The following NDUFAF6 variants were observed in gnomAD, a reference collection of about 807,000 sequenced individuals.
The protein encoded by NDUFAF6 is NADH:ubiquinone oxidoreductase complex assembly factor 6.
In NDUFAF6, 45 loss-of-function variants were observed where a neutral mutation model predicts 40.8. The observed-to-expected ratio is 1.10, with a 90% confidence interval of 0.87 to 1.42. NDUFAF6 has a LOEUF of 1.42. Ranked by LOEUF, NDUFAF6 falls within the 40% of genes most tolerant of loss-of-function variation. The probability of loss-of-function intolerance (pLI) is 0.00; values close to 1 mark genes in which losing one functional copy is unlikely to be tolerated. For missense variants in NDUFAF6, 435 were observed against 418.5 expected (o/e 1.04, Z -0.34); for synonymous variants, 185 against 155.9 (o/e 1.19, Z -1.39).
At chr8:94,905,149 G>A (rs951125330) in intron 1 of NDUFAF6, among the ~76,000 whole-genome samples, 2 of 152,170 alleles carry the variant, frequency 1.3e-5, no homozygotes, top group Non-Finnish European at 2.9e-5. Context: ...GCAGTGAGCT[G>A]AGATTGCGGC....
intron 2 of NDUFAF6, among the ~76,000 whole-genome samples, chr8:95,000,552 A>G (rs1005671533): frequency 5.9e-5 from 9 of 152,230 alleles, no homozygotes; most frequent in Admixed American, 5.9e-4. Flanking sequence ...AGATATGCAA[A>G]AATGCATATT....
chr8:95,108,980 T>C (rs1006019830), intron 4 of NDUFAF6, among the ~76,000 whole-genome samples: 1 of 152,222 alleles, frequency 6.6e-6, no homozygotes, highest in African/African-American at 2.4e-5. Flanking sequence ...ATTTTAATCA[T>C]TGAACCTAAG....
At chr8:94,906,844 A>G (rs1231491066) in intron 1 of NDUFAF6, among the ~76,000 whole-genome samples, 1 of 152,152 alleles carries the variant, frequency 6.6e-6, no homozygotes, top group Non-Finnish European at 1.5e-5. Flanking sequence ...TGCTTTATCT[A>G]TTTGTATACA....
At chr8:94,954,212 G>A (rs1472696168), upstream of NDUFAF6, among the ~76,000 whole-genome samples, 1 of 152,020 alleles carries the variant, frequency 6.6e-6, no homozygotes, top group Non-Finnish European at 1.5e-5. Flanking sequence ...ACAGGCGTGT[G>A]CCACCAAGCC....
intron 2 of NDUFAF6, among the ~76,000 whole-genome samples, chr8:95,094,237 G>T (rs957995454): frequency 6.6e-6 from 1 of 152,146 alleles, no homozygotes; most frequent in Non-Finnish European, 1.5e-5. Context: ...CTTCCAAATT[G>T]CTGGGATTAT....
At chr8:95,028,319 C>A (rs989568088) in intron 1 of NDUFAF6, among the ~76,000 whole-genome samples, 2 of 152,180 alleles carry the variant, frequency 1.3e-5, no homozygotes, top group South Asian at 2.1e-4. Context: ...TATGGCATTT[C>A]TCATTATCTG....
intron 4 of NDUFAF6, among the ~76,000 whole-genome samples, chr8:95,042,946 G>A (rs1045101328): frequency 2.6e-5 from 4 of 152,116 alleles, no homozygotes; most frequent in Admixed American, 2.6e-4. Flanking sequence ...AAAAGAATAA[G>A]TTTTGACCCC....
intron 2 of NDUFAF6, among the ~76,000 whole-genome samples, chr8:95,091,745 T>TC (rs1173316608): frequency 2.7e-5 from 4 of 149,328 alleles, no homozygotes; most frequent in African/African-American, 2.5e-5. Context: ...GTTCAAGCGA[T>TC]CCCCCCCAGC....
upstream of NDUFAF6, among the ~76,000 whole-genome samples, chr8:95,020,477 TC>T (rs936161432): frequency 2.0e-5 from 3 of 152,128 alleles, no homozygotes; most frequent in Admixed American, 1.3e-4. Flanking sequence ...AATGAGAAGG[TC>T]CCCATCTGGG....
chr8:94,958,174 CTG>C (rs1823239641), exon 1 of NDUFAF6: 1 of 152,336 alleles, frequency 6.6e-6, no homozygotes, highest in Admixed American at 6.5e-5. Flanking sequence ...GAAAGAGAGA[CTG>C]GAGGTGAGGA....
intron 1 of NDUFAF6, among the ~76,000 whole-genome samples, chr8:94,935,128 TATAG>T (rs56734843): frequency 0.014 from 2,084 of 144,736 alleles, 24 homozygotes; most frequent in Middle Eastern, 0.024. Context: ...GGTAGATAGA[TATAG>T]ATAGATAGAT....
At chr8:94,928,071 C>T (rs1438237036) in intron 1 of NDUFAF6, 1 of 152,098 alleles carries the variant, frequency 6.6e-6, no homozygotes, top group South Asian at 2.1e-4. Context: ...CCATTTTCTT[C>T]AATACTTACA....
intron 8 of NDUFAF6, among the ~76,000 whole-genome samples, chr8:95,056,872 C>G (rs1312126234): frequency 6.8e-6 from 1 of 147,998 alleles, no homozygotes; most frequent in African/African-American, 2.5e-5. Flanking sequence ...TGCCACTGCA[C>G]TCCAGCCTGG....
chr8:95,074,088 T>G (rs945736710), intron 9 of NDUFAF6, among the ~76,000 whole-genome samples: 10 of 152,096 alleles, frequency 6.6e-5, no homozygotes, highest in Non-Finnish European at 1.3e-4. Context: ...GGGTAAGGGT[T>G]GGGATGGAAC....
intron 2 of NDUFAF6, 136 bp downstream of exon 2, chr8:95,032,230 GCTAA>G (rs1828940744): frequency 2.6e-6 from 2 of 768,172 alleles, no homozygotes; most frequent in African/African-American, 1.7e-5. Flanking sequence ...TCTTTTCCCT[GCTAA>G]CTGTTTAGGC....
chr8:94,975,376 G>T (rs1824834188), intron 1 of NDUFAF6: 1 of 152,276 alleles, frequency 6.6e-6, no homozygotes, highest in Non-Finnish European at 1.5e-5. Flanking sequence ...AACTGCTCCT[G>T]CCAAGGCCCC....
Position 95,050,008 on chromosome 8 carries a change from A to T in NDUFAF6, c.816+1450A>T, listed in dbSNP as rs951977568. On this transcript the variant is annotated intron_variant, in intron 7 of 8. Transcript: ENST00000396124. ...TCTTCAGCTTCTTTTTAATTTCATG[A>T]ATATCTAACAGTTCTCGGCCCTGAC... is the stretch of plus-strand genomic sequence containing the variant. Among the ~76,000 whole-genome samples the T allele has an allele frequency of 2.0e-5, 3 of 152,208 alleles. No individual in the cohort carries two copies. In the South Asian group the frequency reaches 6.2e-4, roughly 32 times the overall value.
At chr8:95,039,071 G>A (rs999794579) in intron 3 of NDUFAF6, among the ~76,000 whole-genome samples, 4 of 151,802 alleles carry the variant, frequency 2.6e-5, no homozygotes, top group African/African-American at 2.4e-5. Flanking sequence ...TCACCTGCTG[G>A]GCTCAAGCCA....
At chr8:94,980,544 A>G (rs976174355) in intron 1 of NDUFAF6, among the ~76,000 whole-genome samples, 3 of 144,034 alleles carry the variant, frequency 2.1e-5, no homozygotes, top group African/African-American at 5.2e-5. Flanking sequence ...CCTGGCTCCA[A>G]GCAATTCTCC....
Sources: gnomAD v4.1 joint callset for allele counts (sites outside exome capture counted in the v4.1 genomes callset) on GRCh38, gnomAD v4.1.1 for gene constraint, MANE v1.5 for transcripts, NCBI Gene and HGNC (gene_info 2026-07-23, HGNC 2026-07-21) for gene names.